ZNF385B: variants seen among roughly 807,000 people sequenced by gnomAD.
ZNF385B encodes zinc finger protein 385B.
Under a neutral mutation model 39.2 loss-of-function variants are expected in ZNF385B, and 23 were observed. That is an observed-to-expected ratio of 0.59 (90% CI 0.42 to 0.83). ZNF385B has a LOEUF of 0.83. ZNF385B is among the 40% of genes least tolerant of loss of function. ZNF385B has a pLI of 0.00. For missense variants in ZNF385B, 552 were observed against 598.9 expected (o/e 0.92, Z 0.82); for synonymous variants, 205 against 222.6 (o/e 0.92, Z 0.70).
intron 3 of ZNF385B, among the ~76,000 whole-genome samples, chr2:179,575,200 T>C (rs1488246884): frequency 1.3e-5 from 2 of 152,102 alleles, no homozygotes; most frequent in East Asian, 3.9e-4. Flanking sequence ...CCAAATTTAT[T>C]TGGGCTGGGA....
chr2:179,770,925 A>T (rs1559179765), intron 1 of ZNF385B, among the ~76,000 whole-genome samples: 1 of 152,104 alleles, frequency 6.6e-6, no homozygotes, highest in African/African-American at 2.4e-5. Flanking sequence ...CATTTTAGTT[A>T]ATACCAGGAA....
At chr2:179,781,599 T>G (rs1227002912) in intron 1 of ZNF385B, among the ~76,000 whole-genome samples, 11 of 152,104 alleles carry the variant, frequency 7.2e-5, no homozygotes, top group African/African-American at 2.7e-4. Context: ...ACATAGAAAG[T>G]ATTAACTATA....
At chr2:179,826,082 A>T (rs1442489016) in intron 1 of ZNF385B, among the ~76,000 whole-genome samples, 3 of 152,190 alleles carry the variant, frequency 2.0e-5, no homozygotes, top group Non-Finnish European at 2.9e-5. Context: ...ATGAGAGCCT[A>T]AAATTAGAAG....
At chr2:179,572,170 G>A (rs1178830597) in intron 3 of ZNF385B, among the ~76,000 whole-genome samples, 1 of 152,208 alleles carries the variant, frequency 6.6e-6, no homozygotes, top group African/African-American at 2.4e-5. Flanking sequence ...ACTTTGAGGT[G>A]TCTAGGAATT....
chr2:179,727,371 C>G (rs1416266995), intron 3 of ZNF385B, among the ~76,000 whole-genome samples: 1 of 152,048 alleles, frequency 6.6e-6, no homozygotes, highest in Non-Finnish European at 1.5e-5. Flanking sequence ...AGGAGTTGTG[C>G]TATCTAAGCA....
intron 3 of ZNF385B, among the ~76,000 whole-genome samples, chr2:179,610,418 C>T (rs1471144091): frequency 2.0e-5 from 3 of 152,008 alleles, no homozygotes; most frequent in African/African-American, 7.2e-5. Flanking sequence ...GTCTATGTGT[C>T]TATTTTTATG....
intron 3 of ZNF385B, among the ~76,000 whole-genome samples, chr2:179,726,298 G>A (rs1463007953): frequency 6.6e-6 from 1 of 151,850 alleles, no homozygotes; most frequent in Non-Finnish European, 1.5e-5. Context: ...TCTTCTTAAT[G>A]CATGTCTTGC....
At chr2:179,625,667 C>T (rs1223276512) in intron 3 of ZNF385B, among the ~76,000 whole-genome samples, 2 of 152,004 alleles carry the variant, frequency 1.3e-5, no homozygotes, top group Non-Finnish European at 2.9e-5. Context: ...AAGGCAAAGT[C>T]CCTGACCTCA....
chr2:179,816,460 T>C (rs1301120673), intron 1 of ZNF385B, among the ~76,000 whole-genome samples: 1 of 152,238 alleles, frequency 6.6e-6, no homozygotes, highest in African/African-American at 2.4e-5. Context: ...CATGTCACTC[T>C]TCTGCTCACA....
chr2:179,447,887 C>T (rs1355239907), intron 6 of ZNF385B, among the ~76,000 whole-genome samples: 1 of 151,788 alleles, frequency 6.6e-6, no homozygotes, highest in Non-Finnish European at 1.5e-5. Context: ...GCTTTTAGAA[C>T]ACATTGCAAA....
At chr2:179,750,626 T>C (rs781765943) in intron 3 of ZNF385B, among the ~76,000 whole-genome samples, 5 of 152,110 alleles carry the variant, frequency 3.3e-5, no homozygotes, top group Non-Finnish European at 5.9e-5. Context: ...TCTAAGTCTG[T>C]CCCTTCACTA....
intron 1 of ZNF385B, among the ~76,000 whole-genome samples, chr2:179,772,429 T>C (rs1408030780): frequency 6.6e-6 from 1 of 152,130 alleles, no homozygotes; most frequent in African/African-American, 2.4e-5. Flanking sequence ...CAAATCCCAA[T>C]TTATTAGTCC....
intron 3 of ZNF385B, among the ~76,000 whole-genome samples, chr2:179,754,732 G>C (rs1021059270): frequency 5.9e-5 from 9 of 152,164 alleles, no homozygotes; most frequent in Non-Finnish European, 1.2e-4. Context: ...GGTGTTTATA[G>C]TATTCTCTGA....
intron 7 of ZNF385B, among the ~76,000 whole-genome samples, chr2:179,446,048 A>G (rs1302297173): frequency 6.6e-6 from 1 of 152,120 alleles, no homozygotes; most frequent in African/African-American, 2.4e-5. Flanking sequence ...AGTTTTCATA[A>G]TGGGGATCAT....
intron 6 of ZNF385B, among the ~76,000 whole-genome samples, chr2:179,452,414 A>G (rs1204302205): frequency 3.9e-5 from 6 of 152,134 alleles, no homozygotes; most frequent in African/African-American, 1.4e-4. Flanking sequence ...ATGCTAAGAT[A>G]AAAAGAATAT....
At chr2:179,547,490 T>C (rs981083195) in intron 3 of ZNF385B, among the ~76,000 whole-genome samples, 1 of 149,568 alleles carries the variant, frequency 6.7e-6, no homozygotes, top group Non-Finnish European at 1.5e-5. Context: ...CCTCTATGTA[T>C]ATTTTTGACA....
chr2:179,480,545 A>G (rs2053879271), intron 6 of ZNF385B, among the ~76,000 whole-genome samples: 1 of 152,312 alleles, frequency 6.6e-6, no homozygotes, highest in Admixed American at 6.5e-5. Flanking sequence ...TACATTAGGT[A>G]TTACGTTGTT....
chr2:179,552,804 C>A (rs2060660633), intron 3 of ZNF385B, among the ~76,000 whole-genome samples: 1 of 149,098 alleles, frequency 6.7e-6, no homozygotes, highest in South Asian at 2.2e-4. Flanking sequence ...CTCATAATAG[C>A]AATAACAGAG....
At chr2:179,553,131 A>AT (rs1403942974) in intron 3 of ZNF385B, among the ~76,000 whole-genome samples, 2 of 149,114 alleles carry the variant, frequency 1.3e-5, no homozygotes, top group Non-Finnish European at 3.0e-5. Context: ...ATATAGATAC[A>AT]TTCTCCAGCT....
Sources: allele counts gnomAD v4.1 joint callset (sites outside exome capture counted in the v4.1 genomes callset), GRCh38; gene constraint gnomAD v4.1.1; transcripts MANE v1.5; gene names NCBI Gene and HGNC (gene_info 2026-07-23, HGNC 2026-07-21).